The following TGFBR3 variants were observed in gnomAD, a reference collection of about 807,000 sequenced individuals.
TGFBR3 encodes the protein transforming growth factor beta receptor 3, also known as transforming growth factor beta receptor type 3.
In TGFBR3, 46 loss-of-function variants were observed where a neutral mutation model predicts 87.9. The ratio of observed to expected loss-of-function variants is 0.52; its 90% CI spans 0.41 to 0.67. The LOEUF is 0.67. Among genes scored for constraint, TGFBR3 ranks in the 30% least tolerant of loss-of-function variants. TGFBR3 has a pLI of 0.00. For synonymous variants in TGFBR3, 381 were observed against 391.6 expected, an observed-to-expected ratio of 0.97 and a Z score of 0.32; for missense variants, 866 against 1,041.9, an observed-to-expected ratio of 0.83 and a Z score of 2.32.
intron 3 of TGFBR3, among the ~76,000 whole-genome samples, chr1:91,759,258 A>G (rs17131552): frequency 0.19 from 28,956 of 152,018 alleles, 3,086 homozygotes; most frequent in East Asian, 0.46. Flanking sequence ...AAAGCTGAGA[A>G]AAAGCGGCTG....
Position 91,878,716 on chromosome 1 carries a change from A to C in TGFBR3, c.-114+7162T>G, listed in dbSNP as rs144616773. Among the ~76,000 whole-genome samples, 3 of 152,176 alleles carry C rather than the reference A, an allele frequency of 2.0e-5. No homozygotes were observed. The East Asian group carries it at 5.8e-4, about 29-fold the overall frequency. ...ATTTTTCAAGGACTAATCAACTTAA[A>C]TGTGTTTTTACAAATGATCCATCAG... is the stretch of plus-strand genomic sequence containing the variant. On this transcript the variant is annotated intron_variant, in intron 1 of 16. Transcript: ENST00000212355.
chr1:91,792,540 A>G (rs983520089), intron 3 of TGFBR3, among the ~76,000 whole-genome samples: 4 of 152,254 alleles, frequency 2.6e-5, no homozygotes, highest in African/African-American at 9.6e-5. Flanking sequence ...GCAATTAGAT[A>G]GGTCAGAAAT....
At chr1:91,771,520 C>T (rs1311105452) in intron 3 of TGFBR3, among the ~76,000 whole-genome samples, 2 of 151,774 alleles carry the variant, frequency 1.3e-5, no homozygotes, top group African/African-American at 2.4e-5. Flanking sequence ...TTGGCTAACA[C>T]GGTGAAACCC....
chr1:91,829,618 A>G (rs1014829334), intron 2 of TGFBR3, among the ~76,000 whole-genome samples: 22 of 152,194 alleles, frequency 1.4e-4, no homozygotes, highest in Admixed American at 5.2e-4. Flanking sequence ...GATGATGTCC[A>G]TGGCTCACCA....
intron 2 of TGFBR3, among the ~76,000 whole-genome samples, chr1:91,806,352 A>C (rs572206359): frequency 6.6e-6 from 1 of 152,196 alleles, no homozygotes; most frequent in South Asian, 2.1e-4. Context: ...CAGCTCCAAA[A>C]CTCGACAGAA....
At chr1:91,737,019 T>C (rs1672989848) in intron 4 of TGFBR3, among the ~76,000 whole-genome samples, 1 of 152,084 alleles carries the variant, frequency 6.6e-6, no homozygotes. Flanking sequence ...TGTCCTGAAG[T>C]AATTAAAGAG....
At chr1:91,790,242 T>C (rs1161084801) in intron 3 of TGFBR3, among the ~76,000 whole-genome samples, 1 of 152,228 alleles carries the variant, frequency 6.6e-6, no homozygotes, top group Non-Finnish European at 1.5e-5. Flanking sequence ...CATGTTTAGG[T>C]ACACAAATTC....
intron 4 of TGFBR3, among the ~76,000 whole-genome samples, chr1:91,756,603 T>C (rs1035414841): frequency 2.0e-5 from 3 of 152,240 alleles, no homozygotes; most frequent in Non-Finnish European, 4.4e-5. Context: ...AATGTGCTAG[T>C]AATAACAACT....
In TGFBR3 at chr1:91,682,104, T is replaced by C. The variant is rs996883803; in HGVS notation, c.*1635A>G. 8.8e-6 allele frequency: 4 copies of C among 453,962 alleles called. No homozygotes were observed. The allele number at this position is 453,962 out of a possible 1,614,324, so 28.1% of individuals were successfully genotyped here. On this transcript the variant is annotated 3_prime_UTR_variant, in exon 17 of 17. Transcript: ENST00000212355. The stretch of plus-strand genomic sequence containing the variant: ...TCTATCAGGTAAGTCATATTATTAC[T>C]CAACGATTTGGTAAAAATGATTGTC...
At position 91,728,155 on chromosome 1, in the gene TGFBR3, T is replaced by C. The variant is rs375305211; in HGVS notation, c.738-349A>G. Among the ~76,000 whole-genome samples, 165 of 152,296 alleles carry C rather than the reference T, an allele frequency of 1.1e-3. 1 individual carries two copies. Among genetic ancestry groups the C allele is most frequent in the African/African-American group, 3.4e-3 (142 of 41,560 alleles). The stretch of plus-strand genomic sequence containing the variant: ...GTTGCTTTTTCAACCTTCAACACCT[T>C]CGATGTACAGGATTCCCATTTGGCT... On this transcript the variant is annotated intron_variant, in intron 6 of 16. Coordinates refer to ENST00000212355, the MANE Select transcript of TGFBR3 (RefSeq NM_003243.5).
chr1:91,846,830 A>AT (rs1011218347), intron 2 of TGFBR3, among the ~76,000 whole-genome samples: 3 of 152,184 alleles, frequency 2.0e-5, no homozygotes, highest in East Asian at 3.9e-4. Flanking sequence ...TGGGAAATCT[A>AT]TTTTTTTCAC....
chr1:91,716,920 G>A (rs1383240219), intron 10 of TGFBR3, among the ~76,000 whole-genome samples: 1 of 152,184 alleles, frequency 6.6e-6, no homozygotes, highest in Non-Finnish European at 1.5e-5. Context: ...CAAGTTAAAA[G>A]CTAAACTAAT....
chr1:91,765,585 G>A (rs1008157035), intron 3 of TGFBR3, among the ~76,000 whole-genome samples: 3 of 152,068 alleles, frequency 2.0e-5, no homozygotes, highest in South Asian at 2.1e-4. Flanking sequence ...GTAAGACAGC[G>A]TAGAATGGCA....
intron 3 of TGFBR3, among the ~76,000 whole-genome samples, chr1:91,795,486 TCACTCCTCGAG>T: frequency 1.3e-5 from 2 of 152,336 alleles, no homozygotes; most frequent in South Asian, 2.1e-4. Context: ...AGCTCTGCTG[TCACTCCTCGAG>T]GTATTTTTCT....
intron 1 of TGFBR3, among the ~76,000 whole-genome samples, chr1:91,866,494 G>C (rs1195483471): frequency 6.6e-6 from 1 of 152,156 alleles, no homozygotes; most frequent in South Asian, 2.1e-4. Flanking sequence ...CAGGGATATA[G>C]CAATGAAAAA....
chr1:91,884,172 T>C (rs1679204612), intron 1 of TGFBR3, among the ~76,000 whole-genome samples: 1 of 139,846 alleles, frequency 7.2e-6, no homozygotes, highest in Non-Finnish European at 1.6e-5. Flanking sequence ...ATACAAAAGT[T>C]AGCTGGGCGT....
At chr1:91,723,221 C>A (rs1186950652) in intron 7 of TGFBR3, among the ~76,000 whole-genome samples, 3 of 152,040 alleles carry the variant, frequency 2.0e-5, no homozygotes, top group Non-Finnish European at 4.4e-5. Context: ...ATACTTCACA[C>A]CTATAATACT....
chr1:91,802,463 C>T (rs1469697915), intron 2 of TGFBR3, among the ~76,000 whole-genome samples: 5 of 151,856 alleles, frequency 3.3e-5, no homozygotes, highest in South Asian at 4.2e-4. Context: ...CAGGTTCAAG[C>T]GATTCTCGTG....
chr1:91,882,612 G>T (rs1196673840), intron 1 of TGFBR3, among the ~76,000 whole-genome samples: 2 of 152,090 alleles, frequency 1.3e-5, no homozygotes, highest in South Asian at 2.1e-4. Context: ...GGGCATGGTG[G>T]CGAGTGCCTG....
Sources: gnomAD v4.1 joint callset for allele counts (sites outside exome capture counted in the v4.1 genomes callset) on GRCh38, gnomAD v4.1.1 for gene constraint, MANE v1.5 for transcripts, NCBI Gene and HGNC (gene_info 2026-07-23, HGNC 2026-07-21) for gene names.